PBX3: variants seen among roughly 807,000 people sequenced by gnomAD.
PBX3 encodes PBX homeobox 3, also known as pre-B-cell leukemia transcription factor 3.
PBX3 carries 14 observed loss-of-function variants against 48.5 expected under a neutral mutation model. The observed-to-expected ratio is 0.29, with a 90% CI of 0.19 to 0.45. The LOEUF is 0.45. Ranked by LOEUF, PBX3 falls within the 20% of genes least tolerant of loss-of-function variation. PBX3 has a pLI of 1.00. For synonymous variants in PBX3, 210 were observed against 200.3 expected (o/e 1.05, Z -0.41); for missense variants, 386 against 546.7 (o/e 0.71, Z 2.93).
intron 2 of PBX3, among the ~76,000 whole-genome samples, chr9:125,784,681 G>A (rs1247052534): frequency 1.3e-5 from 2 of 151,958 alleles, no homozygotes; most frequent in African/African-American, 2.4e-5. Context: ...AATGCCAAGA[G>A]CCTAAATAAA....
intron 2 of PBX3, among the ~76,000 whole-genome samples, chr9:125,914,454 A>C (rs578215919): frequency 2.8e-4 from 43 of 152,230 alleles, no homozygotes; most frequent in Admixed American, 6.5e-4. Flanking sequence ...TAGGAATGAA[A>C]TCTGTTCTTA....
chr9:125,901,298 A>G (rs1357468610), intron 2 of PBX3, among the ~76,000 whole-genome samples: 2 of 151,838 alleles, frequency 1.3e-5, no homozygotes, highest in African/African-American at 2.4e-5. Context: ...ATAGATTATT[A>G]TCTAGCATTC....
chr9:125,941,375 T>C (rs773556488), intron 5 of PBX3, among the ~76,000 whole-genome samples: 1 of 152,142 alleles, frequency 6.6e-6, no homozygotes, highest in Non-Finnish European at 1.5e-5. Context: ...CACTGTGAGA[T>C]GGGGAACTGA....
intron 5 of PBX3, among the ~76,000 whole-genome samples, chr9:125,958,023 A>G (rs1466757798): frequency 2.0e-5 from 3 of 152,192 alleles, no homozygotes; most frequent in African/African-American, 7.2e-5. Flanking sequence ...ATCAGAACCC[A>G]TACCTTTATA....
chr9:125,807,238 C>T (rs752287097), intron 2 of PBX3, among the ~76,000 whole-genome samples: 2 of 152,004 alleles, frequency 1.3e-5, no homozygotes, highest in Non-Finnish European at 2.9e-5. Context: ...GCAGGAGAAT[C>T]ACTTGAACCT....
At chr9:125,842,492 T>C (rs1295503355) in intron 2 of PBX3, among the ~76,000 whole-genome samples, 2 of 152,196 alleles carry the variant, frequency 1.3e-5, no homozygotes, top group Admixed American at 1.3e-4. Context: ...TTTAATGTGG[T>C]CTAGTCCAGA....
intron 2 of PBX3, among the ~76,000 whole-genome samples, chr9:125,867,772 A>T (rs1397661333): frequency 6.6e-6 from 1 of 151,890 alleles, no homozygotes; most frequent in Admixed American, 6.6e-5. Context: ...ATACACACAC[A>T]TATATACACA....
Position 125,759,085 on chromosome 9 carries a change from T to C in PBX3, c.274+10462T>C, listed in dbSNP as rs907096618. ...ACTTAGGCAGAGAAAGTAGTGGAAA[T>C]GGTTGATTCAAAGATGGCAAAACCT... On this transcript the variant is annotated intron_variant, in intron 2 of 8. Coordinates refer to ENST00000373489, the MANE Select transcript of PBX3 (RefSeq NM_006195.6). The surrounding 1 kb of genome is among the most constrained non-coding windows in gnomAD (Gnocchi z 4.2). 2.6e-5 allele frequency among the ~76,000 whole-genome samples: 4 copies of C among 152,074 alleles called. No homozygotes were observed. The highest frequency in any genetic ancestry group is 5.9e-5 in the Non-Finnish European group (4 of 68,016).
intron 2 of PBX3, among the ~76,000 whole-genome samples, chr9:125,905,878 T>C (rs1312211633): frequency 6.6e-6 from 1 of 152,062 alleles, no homozygotes; most frequent in African/African-American, 2.4e-5. Flanking sequence ...GCTCTGAAGC[T>C]TCTGCCATTG....
intron 2 of PBX3, among the ~76,000 whole-genome samples, chr9:125,872,091 A>AG (rs1440849496): frequency 6.6e-6 from 1 of 152,248 alleles, no homozygotes; most frequent in African/African-American, 2.4e-5. Flanking sequence ...CTTCCAGACT[A>AG]GTAAAGTAAG....
At chr9:125,852,112 A>G (rs1192295148) in intron 2 of PBX3, among the ~76,000 whole-genome samples, 1 of 152,172 alleles carries the variant, frequency 6.6e-6, no homozygotes, top group Non-Finnish European at 1.5e-5. Context: ...GGACGCTGTA[A>G]TAAAAATGCC....
At chr9:125,956,866 A>G (rs1247078728) in intron 5 of PBX3, among the ~76,000 whole-genome samples, 1 of 152,154 alleles carries the variant, frequency 6.6e-6, no homozygotes, top group Non-Finnish European at 1.5e-5. Flanking sequence ...GAGATGGAGC[A>G]AGCTCTGCTC....
At chr9:125,933,538 T>C (rs1841767189) in intron 4 of PBX3, among the ~76,000 whole-genome samples, 1 of 152,214 alleles carries the variant, frequency 6.6e-6, no homozygotes, top group South Asian at 2.1e-4. Context: ...GAAATGCACT[T>C]GTGTCATCTA....
At chr9:125,956,255 C>T (rs753669198) in intron 5 of PBX3, among the ~76,000 whole-genome samples, 6 of 152,162 alleles carry the variant, frequency 3.9e-5, no homozygotes, top group Admixed American at 3.3e-4. Context: ...TAGTAAATAG[C>T]AGAGCGTGAA....
chr9:125,761,959 TG>T (rs1182821718), intron 2 of PBX3, among the ~76,000 whole-genome samples: 1 of 152,184 alleles, frequency 6.6e-6, no homozygotes, highest in Non-Finnish European at 1.5e-5. Flanking sequence ...AATGGATACT[TG>T]AAGTTCATTT....
At chr9:125,765,087 C>T (rs1836768221) in intron 2 of PBX3, among the ~76,000 whole-genome samples, 1 of 151,656 alleles carries the variant, frequency 6.6e-6, no homozygotes, top group African/African-American at 2.4e-5. Flanking sequence ...AGATACTGAC[C>T]CTGGTAACAG....
At position 125,747,422 on chromosome 9, in the gene PBX3, G is replaced by C. The variant is rs1364727932; in HGVS notation, c.-32G>C. 1 of 1,345,632 alleles carries C rather than the reference G, an allele frequency of 7.4e-7. No homozygotes were observed. Among genetic ancestry groups the C allele is most frequent in the South Asian group, 1.5e-5 (1 of 65,996 alleles). 83.4% of individuals were successfully genotyped at this position (1,345,632 alleles called of 1,614,324 possible). A position where few individuals can be genotyped will look rare whatever the true frequency, so the allele number is the denominator to read the frequency against. ...CGCCGCCGCCTCAGCCTTCGCCTCA[G>C]CCGCCGCCCGCTCCCGCCCGCGCGC... On this transcript the variant is annotated 5_prime_UTR_variant, in exon 1 of 9. Coordinates refer to ENST00000373489, the MANE Select transcript of PBX3 (RefSeq NM_006195.6).
intron 3 of PBX3, among the ~76,000 whole-genome samples, chr9:125,925,929 GT>G (rs888595599): frequency 5.3e-5 from 8 of 152,136 alleles, no homozygotes; most frequent in Admixed American, 3.3e-4. Context: ...CCCACAAAAA[GT>G]TTTTAAGATT....
intron 2 of PBX3, among the ~76,000 whole-genome samples, chr9:125,822,836 T>C (rs1176558811): frequency 6.6e-6 from 1 of 152,172 alleles, no homozygotes; most frequent in Non-Finnish European, 1.5e-5. Flanking sequence ...TAATACATTA[T>C]GATACCCTCA....
Sources: gnomAD v4.1 joint callset for allele counts (sites outside exome capture counted in the v4.1 genomes callset) on GRCh38, gnomAD v4.1.1 for gene constraint, Gnocchi (gnomAD v3.1) non-coding constraint, MANE v1.5 for transcripts, NCBI Gene and HGNC (gene_info 2026-07-23, HGNC 2026-07-21) for gene names.